Variants in PATZ1 observed in about 807,000 individuals in gnomAD.
The protein encoded by PATZ1 is POZ-, AT hook-, and zinc finger-containing protein 1.
In PATZ1, 9 loss-of-function variants were observed where a neutral mutation model predicts 46.2. The ratio of observed to expected loss-of-function variants is 0.19; its 90% CI spans 0.12 to 0.34. The LOEUF (loss-of-function observed/expected upper bound fraction) is 0.34, where lower values mean the gene tolerates loss of function less well. Ranked by LOEUF, PATZ1 falls within the 10% of genes least tolerant of loss-of-function variation. The pLI is 1.00. For synonymous variants in PATZ1, 426 were observed against 378.6 expected, an observed-to-expected ratio of 1.13 and a Z score of -1.45; for missense variants, 632 against 923.0, an observed-to-expected ratio of 0.68 and a Z score of 4.08.
intron 2 of PATZ1, chr22:31,340,945 C>G (rs2049572117): frequency 1.9e-6 from 2 of 1,068,752 alleles, no homozygotes; most frequent in Admixed American, 5.2e-5. Context: ...CAGAGGGCAG[C>G]ATGGGTTGAC....
Position 31,333,476 on chromosome 22 carries a change from C to CTT in PATZ1, c.1507+2214_1507+2215dup, listed in dbSNP as rs71319182. 3.5e-3 allele frequency among the ~76,000 whole-genome samples: 455 copies of CTT among 128,740 alleles called. 5 individuals are homozygous for CTT. Among genetic ancestry groups the CTT allele is most frequent in the African/African-American group, 0.01 (341 of 34,006 alleles). 84.5% of individuals were successfully genotyped at this position (128,740 alleles called of 152,430 possible). On this transcript the variant is annotated intron_variant, in intron 3 of 4. Transcript: ENST00000266269. ...GCTCAGAAAGAACTTTATCCTCTTC[C>CTT]TTTTTTTTTTTTTTTTTTTTTGTCT...
intron 2 of PATZ1, among the ~76,000 whole-genome samples, chr22:31,342,372 GA>G (rs1429617475): frequency 1.3e-5 from 2 of 152,154 alleles, no homozygotes; most frequent in Non-Finnish European, 2.9e-5. Context: ...CAGTGTGGGA[GA>G]GGGGACCACC....
intron 3 of PATZ1, among the ~76,000 whole-genome samples, chr22:31,333,378 G>A (rs1221503043): frequency 6.6e-6 from 1 of 152,072 alleles, no homozygotes; most frequent in Non-Finnish European, 1.5e-5. Context: ...GTAGGTACAG[G>A]CTTGGTGGCA....
Position 31,327,412 on chromosome 22 carries a change from C to T in PATZ1, c.1646-103G>A, listed in dbSNP as rs1601480650. 8 of 984,418 alleles carry T rather than the reference C, an allele frequency of 8.1e-6. No individual in the cohort carries two copies. The East Asian group carries it at 1.7e-4, about 21-fold the overall frequency. 61.0% of individuals were successfully genotyped at this position (984,418 alleles called of 1,614,324 possible). On this transcript the variant is annotated intron_variant, in intron 4 of 4. Coordinates refer to ENST00000266269, the MANE Select transcript of PATZ1 (RefSeq NM_014323.3). This position sits in a 1 kb window ranked among gnomAD's most constrained non-coding sequence, Gnocchi z 4.2. Reference sequence around the variant, plus strand: ...CAGCTCACAGACCTGTGGAGGGCAGCCATTGGCCAGCCACTGCCCTGGCAG... The same window carrying T: ...CAGCTCACAGACCTGTGGAGGGCAGTCATTGGCCAGCCACTGCCCTGGCAG...
chr22:31,330,438 C>A (rs2049425771), intron 3 of PATZ1, among the ~76,000 whole-genome samples: 1 of 152,112 alleles, frequency 6.6e-6, no homozygotes, highest in African/African-American at 2.4e-5. Flanking sequence ...GTAGCAGGCA[C>A]CTGTAAGCTG....
chr22:31,345,946 T>A lies in PATZ1; in HGVS notation c.-344A>T. On this transcript the variant is annotated 5_prime_UTR_variant, in exon 1 of 5. Coordinates refer to ENST00000266269, the MANE Select transcript of PATZ1 (RefSeq NM_014323.3). This position sits in a 1 kb window ranked among gnomAD's most constrained non-coding sequence, Gnocchi z 7.4. ...CTGCAAACGCGCCTGCCACCTCCCC[T>A]CCCGCCCGCCAGGCGGCGCCGGCGC... is the stretch of plus-strand genomic sequence containing the variant. 1 of 246,862 alleles carries A rather than the reference T, an allele frequency of 4.1e-6. No individual in the cohort carries two copies. Among genetic ancestry groups the A allele is most frequent in the East Asian group, 6.3e-5 (1 of 15,940 alleles). The allele number at this position is 246,862 out of a possible 1,614,324, so 15.3% of individuals were successfully genotyped here.
In PATZ1 at chr22:31,344,742, C is replaced by T; in HGVS notation, c.861G>A (p.Arg287=). 1.2e-6 allele frequency: 2 copies of T among 1,610,142 alleles called. No homozygotes were observed. The highest frequency in any genetic ancestry group is 1.7e-6 in the Non-Finnish European group (2 of 1,177,574). ...DSMFGSPGGL[R]EAGILPCGLC... The stretch of plus-strand genomic sequence containing the variant: ...GACCGCATGGAAGGATGCCTGCCTC[C>T]CTCAGGCCCCCTGGGGACCCAAACA... The change falls in exon 1 of 5, where the codon AGG becomes AGA. Residue 287 remains arginine, a synonymous_variant. Coordinates refer to ENST00000266269, the MANE Select transcript of PATZ1 (RefSeq NM_014323.3).
chr22:31,340,699 A>G, intron 2 of PATZ1: 1 of 1,035,114 alleles, frequency 9.7e-7, no homozygotes. Context: ...AAATTTTATC[A>G]TCACTCCTGT....
chr22:31,330,723 T>G (rs547229953), intron 3 of PATZ1, among the ~76,000 whole-genome samples: 1 of 152,218 alleles, frequency 6.6e-6, no homozygotes, highest in African/African-American at 2.4e-5. Flanking sequence ...AAGTCTGATT[T>G]TTCACAAAAA....
intron 2 of PATZ1, chr22:31,340,590 G>A (rs752392826): frequency 2.9e-6 from 2 of 700,670 alleles, no homozygotes; most frequent in Non-Finnish European, 3.6e-6. Flanking sequence ...TGTTGGGAGG[G>A]GCAGGGCAGG....
At position 31,326,028 on chromosome 22, in the gene PATZ1, CA is replaced by C. The variant is rs2049367567; in HGVS notation, c.*862del. 4.6e-6 allele frequency: 1 copy of C among 215,762 alleles called. No individual in the cohort carries two copies. Among genetic ancestry groups the C allele is most frequent in the South Asian group, 1.9e-4 (1 of 5,356 alleles). The allele number at this position is 215,762 out of a possible 1,614,324, so 13.4% of individuals were successfully genotyped here. ...AACTATTTCTTCCATAGACTTCAAA[CA>C]ATCAACTAGCCAAGTTAATTATGGT... On this transcript the variant is annotated 3_prime_UTR_variant, in exon 5 of 5. Coordinates refer to ENST00000266269, the MANE Select transcript of PATZ1 (RefSeq NM_014323.3).
intron 2 of PATZ1, chr22:31,340,779 G>T: frequency 9.5e-7 from 1 of 1,056,292 alleles, no homozygotes. Context: ...GTCTACATCT[G>T]CTTTTTCAGC....
chr22:31,337,105 G>GT (rs776924577), intron 2 of PATZ1, among the ~76,000 whole-genome samples: 8 of 151,618 alleles, frequency 5.3e-5, no homozygotes, highest in Non-Finnish European at 1.2e-4. Flanking sequence ...GCAAGACTCC[G>GT]TCTCAAAAAA....
At chr22:31,329,167 G>A (rs895420342) in intron 3 of PATZ1, among the ~76,000 whole-genome samples, 2 of 152,250 alleles carry the variant, frequency 1.3e-5, no homozygotes, top group African/African-American at 2.4e-5. Context: ...GTGAGGGGCT[G>A]AGGCTGGCTG....
At chr22:31,337,109 C>CAA (rs889856619) in intron 2 of PATZ1, among the ~76,000 whole-genome samples, 1 of 140,882 alleles carries the variant, frequency 7.1e-6, no homozygotes, top group African/African-American at 2.6e-5. Context: ...GACTCCGTCT[C>CAA]AAAAAAAAAA....
intron 3 of PATZ1, among the ~76,000 whole-genome samples, chr22:31,329,551 G>T (rs909633141): frequency 1.3e-5 from 2 of 152,184 alleles, no homozygotes; most frequent in African/African-American, 4.8e-5. Context: ...ACAAAAATAG[G>T]AAGTTGTGTC....
chr22:31,343,505 C>T (rs1380759435), intron 1 of PATZ1: 1 of 910,488 alleles, frequency 1.1e-6, no homozygotes, highest in Non-Finnish European at 1.3e-6. Flanking sequence ...GCTGCCTGAC[C>T]GGTAAGACTG....
At chr22:31,339,673 G>C (rs1292123915) in intron 2 of PATZ1, among the ~76,000 whole-genome samples, 1 of 152,154 alleles carries the variant, frequency 6.6e-6, no homozygotes, top group Admixed American at 6.5e-5. Context: ...ACAGCCCTGT[G>C]CTTAGTTAGA....
intron 2 of PATZ1, among the ~76,000 whole-genome samples, chr22:31,342,272 C>G (rs930476955): frequency 6.6e-6 from 1 of 152,144 alleles, no homozygotes; most frequent in Non-Finnish European, 1.5e-5. Context: ...CGTTTCCTAC[C>G]TGCTACTTTG....
Sources: allele counts gnomAD v4.1 joint callset (sites outside exome capture counted in the v4.1 genomes callset), GRCh38; gene constraint gnomAD v4.1.1; non-coding constraint Gnocchi (gnomAD v3.1); transcripts MANE v1.5; gene names NCBI Gene and HGNC (gene_info 2026-07-23, HGNC 2026-07-21).